The following HAND1 variants were observed in gnomAD, a reference collection of about 807,000 sequenced individuals.
HAND1 encodes the protein heart- and neural crest derivatives-expressed protein 1.
HAND1 carries 10 observed loss-of-function variants against 14.5 expected under a neutral mutation model. The ratio of observed to expected loss-of-function variants is 0.69; its 90% confidence interval spans 0.42 to 1.17. The LOEUF (loss-of-function observed/expected upper bound fraction) is 1.17, where lower values mean the gene tolerates loss of function less well. Among genes scored for constraint, HAND1 ranks in the 50% most tolerant of loss-of-function variants. HAND1 has a pLI of 0.00. For synonymous variants in HAND1, 128 were observed against 127.1 expected (o/e 1.01, Z -0.05); for missense variants, 299 against 298.4 (o/e 1.00, Z -0.01).
chr5:154,475,871 C>T lies in HAND1; in HGVS notation c.583G>A (p.Glu195Lys). Residue 195 changes from glutamate (E) to lysine (K), a missense_variant, in exon 2 of 2, where the codon GAG becomes AAG. Physicochemically the swap from Glu to Lys is moderately conservative, Grantham distance 56. Transcript: ENST00000231121. ...EGFPPALGPV[E>K]KRIKGRTGWP... The stretch of plus-strand genomic sequence containing the variant: ...CCGGTGCGTCCTTTAATCCTCTTCT[C>T]GACTGGGCCCAGGGCAGGAGGAAAA... 6.2e-7 allele frequency: 1 copy of T among 1,614,110 alleles called. No homozygotes were observed. Among genetic ancestry groups the T allele is most frequent in the Non-Finnish European group, 8.5e-7 (1 of 1,179,968 alleles).
chr5:154,478,039 C>G lies in HAND1; in HGVS notation c.-31G>C. 6.3e-7 allele frequency: 1 copy of G among 1,596,392 alleles called. No individual in the cohort carries two copies. The highest frequency in any genetic ancestry group is 2.2e-5 in the East Asian group (1 of 44,862). ...AGCGGCTACTGGCCTGCGCCGCCAG[C>G]CCTATTAACGCCGCTCCATGCGCCC... On this transcript the variant is annotated 5_prime_UTR_variant, in exon 1 of 2. Transcript: ENST00000231121. The surrounding 1 kb of genome is among the most constrained non-coding windows in gnomAD (Gnocchi z 4.5).
In HAND1 at chr5:154,478,187, G is replaced by T; in HGVS notation, c.-179C>A. On this transcript the variant is annotated 5_prime_UTR_variant, in exon 1 of 2. Transcript: ENST00000231121. The surrounding 1 kb of genome is among the most constrained non-coding windows in gnomAD (Gnocchi z 4.5). The stretch of plus-strand genomic sequence containing the variant: ...CTGTCTTCTTACCGGTTTCTGCCGC[G>T]GGCGAGGTCGCCGAAGCCCAAAGAC... The T allele has an allele frequency of 1.4e-6, 1 of 690,762 alleles. No individual in the cohort carries two copies. Among genetic ancestry groups the T allele is most frequent in the Non-Finnish European group, 2.4e-6 (1 of 411,672 alleles). The allele number at this position is 690,762 out of a possible 1,614,324, so 42.8% of individuals were successfully genotyped here.
In HAND1 at chr5:154,478,225, T is replaced by G; in HGVS notation, c.-217A>C. 5.0e-6 allele frequency: 3 copies of G among 600,794 alleles called. No individual in the cohort carries two copies. Among genetic ancestry groups the G allele is most frequent in the Non-Finnish European group, 8.9e-6 (3 of 338,796 alleles). 37.2% of individuals were successfully genotyped at this position (600,794 alleles called of 1,614,324 possible). ...GAAGCCCAAAGACCTGTTTAACCCT[T>G]CTGCGGACTCCCCTGCGGATCTGGC... On this transcript the variant is annotated 5_prime_UTR_variant, in exon 1 of 2. Coordinates refer to ENST00000231121, the MANE Select transcript of HAND1 (RefSeq NM_004821.3). The surrounding 1 kb of genome is among the most constrained non-coding windows in gnomAD (Gnocchi z 4.5).
At chr5:154,476,707 T>C (rs1757547887) in intron 1 of HAND1, among the ~76,000 whole-genome samples, 1 of 152,136 alleles carries the variant, frequency 6.6e-6, no homozygotes, top group African/African-American at 2.4e-5. Context: ...CTAGAGAAAC[T>C]GATTGGCCAG....
chr5:154,477,406 G>C (rs1561711259), intron 1 of HAND1, 60 bp downstream of exon 1: 1 of 1,319,746 alleles, frequency 7.6e-7, no homozygotes, highest in Middle Eastern at 1.8e-4. Flanking sequence ...TACCTGCATG[G>C]CCTGAGGCTG....
rs1757569215 is a variant in HAND1 at position 154,477,733 on chromosome 5, A to C, written c.276T>G (p.Leu92=). The C allele has an allele frequency of 6.2e-7, 1 of 1,613,030 alleles. No individual in the cohort carries two copies. The highest frequency in any genetic ancestry group is 8.5e-7 in the Non-Finnish European group (1 of 1,179,756). Residue 92 remains leucine (L), a synonymous_variant, in exon 1 of 2, where the codon CTT becomes CTG. Transcript: ENST00000231121. ...PGRLEALGGR[L]GRRKGSGPKK... Reference sequence around the variant, plus strand: ...TGGGTCCTGAGCCTTTCCGCCGGCCAAGACGGCCGCCAAGCGCCTCCAGCC... The same window carrying C: ...TGGGTCCTGAGCCTTTCCGCCGGCCCAGACGGCCGCCAAGCGCCTCCAGCC...
In HAND1 at chr5:154,478,227, T is replaced by G. The variant is rs555932965; in HGVS notation, c.-219A>C. On this transcript the variant is annotated 5_prime_UTR_variant, in exon 1 of 2. Transcript: ENST00000231121. The surrounding 1 kb of genome is among the most constrained non-coding windows in gnomAD (Gnocchi z 4.5). Reference sequence around the variant, plus strand: ...AGCCCAAAGACCTGTTTAACCCTTCTGCGGACTCCCCTGCGGATCTGGCTT... The same window carrying G: ...AGCCCAAAGACCTGTTTAACCCTTCGGCGGACTCCCCTGCGGATCTGGCTT... 1 of 599,282 alleles carries G rather than the reference T, an allele frequency of 1.7e-6. No homozygotes were observed. Among genetic ancestry groups the G allele is most frequent in the East Asian group, 2.8e-5 (1 of 35,764 alleles). 37.1% of individuals were successfully genotyped at this position (599,282 alleles called of 1,614,324 possible).
rs145232171 is a variant in HAND1, at chr5:154,477,877, G to A, written c.132C>T (p.Ser44=). 3.7e-6 allele frequency: 6 copies of A among 1,601,156 alleles called. No individual in the cohort carries two copies. Among genetic ancestry groups the A allele is most frequent in the Non-Finnish European group, 4.2e-6 (5 of 1,179,814 alleles). ...RCHQERPYFQ[S]WLLSPADAAP... The stretch of plus-strand genomic sequence containing the variant: ...CAGCGTCAGCCGGGCTCAGCAGCCA[G>A]CTCTGGAAGTAGGGCCTTTCCTGAT... Residue 44 remains serine, a synonymous_variant, in exon 1 of 2, where the codon AGC becomes AGT. Coordinates refer to ENST00000231121, the MANE Select transcript of HAND1 (RefSeq NM_004821.3).
Position 154,475,848 on chromosome 5 carries a change from G to A in HAND1, c.606C>T (p.Thr202=), listed in dbSNP as rs1467632014. The change falls in exon 2 of 2, where the codon ACC becomes ACT. Residue 202 remains threonine, a synonymous_variant. Transcript: ENST00000231121. ...GPVEKRIKGR[T]GWPQQVWALE... is the part of the protein sequence containing the mutation. ...GCGCCCAGACTTGCTGCGGCCAGCC[G>A]GTGCGTCCTTTAATCCTCTTCTCGA... The A allele has an allele frequency of 3.1e-6, 5 of 1,613,870 alleles. No individual in the cohort carries two copies. The East Asian group carries it at 6.7e-5, about 22-fold the overall frequency.
rs753861203 is a variant in HAND1, at chr5:154,477,796, G to T, written c.213C>A (p.Ala71=). ...PPPAAAAAAT[A]YGPDARPGQS... ...GCCCAGGCCTGGCGTCAGGACCATA[G>T]GCGGTGGCGGCTGCAGCGGCCGCGG... The change falls in exon 1 of 2, where the codon GCC becomes GCA. Residue 71 remains alanine (A), a synonymous_variant. Transcript: ENST00000231121. The T allele has an allele frequency of 9.4e-6, 15 of 1,589,576 alleles. 1 individual carries two copies.
In HAND1 at chr5:154,475,468, A is replaced by G. The variant is rs960028109; in HGVS notation, c.*338T>C. Reference sequence around the variant, plus strand: ...AATGGAGATAGGGCTGAGGTTCTAAATTCGCTCCAAAAGGGTGGAAGAGTG... The same window carrying G: ...AATGGAGATAGGGCTGAGGTTCTAAGTTCGCTCCAAAAGGGTGGAAGAGTG... On this transcript the variant is annotated 3_prime_UTR_variant, in exon 2 of 2. Coordinates refer to ENST00000231121, the MANE Select transcript of HAND1 (RefSeq NM_004821.3). The G allele has an allele frequency of 3.1e-5, 11 of 353,636 alleles. No individual in the cohort carries two copies. The highest frequency in any genetic ancestry group is 2.1e-4 in the African/African-American group (10 of 47,748). The allele number at this position is 353,636 out of a possible 1,614,324, so 21.9% of individuals were successfully genotyped here. A position where few individuals can be genotyped will look rare whatever the true frequency, so the allele number is the denominator to read the frequency against.
chr5:154,475,551 C>T lies in HAND1; in HGVS notation c.*255G>A. 1 of 511,322 alleles carries T rather than the reference C, an allele frequency of 2.0e-6. No individual in the cohort carries two copies. Among genetic ancestry groups the T allele is most frequent in the Non-Finnish European group, 3.5e-6 (1 of 282,006 alleles). The allele number at this position is 511,322 out of a possible 1,614,324, so 31.7% of individuals were successfully genotyped here. ...CTTCTTGCATGTTGCCGCCAAGGGC[C>T]GCCCTCGGTTGGGCTGGGGGTGGAT... On this transcript the variant is annotated 3_prime_UTR_variant, in exon 2 of 2. Coordinates refer to ENST00000231121, the MANE Select transcript of HAND1 (RefSeq NM_004821.3).
chr5:154,477,080 C>G (rs1281506828), intron 1 of HAND1, among the ~76,000 whole-genome samples: 1 of 152,112 alleles, frequency 6.6e-6, no homozygotes, highest in Non-Finnish European at 1.5e-5. Flanking sequence ...AAACAGGAAC[C>G]GAGCCCGGGC....
At position 154,477,857 on chromosome 5, in the gene HAND1, T is replaced by A. The variant is rs1365842411; in HGVS notation, c.152A>T (p.Asp51Val). 1 of 1,601,476 alleles carries A rather than the reference T, an allele frequency of 6.2e-7. No individual in the cohort carries two copies. Among genetic ancestry groups the A allele is most frequent in the East Asian group, 2.2e-5 (1 of 44,840 alleles). ...YFQSWLLSPA[D>V]AAPDFPAGGP... ...GCCCGCAGGGAAGTCCGGGGCAGCG[T>A]CAGCCGGGCTCAGCAGCCAGCTCTG... The change falls in exon 1 of 2, where the codon GAC becomes GTC. Residue 51 changes from aspartate to valine, a missense_variant. Asp to Val is a radical substitution (Grantham distance 152). Transcript: ENST00000231121.
Position 154,475,593 on chromosome 5 carries a change from T to C in HAND1, c.*213A>G, listed in dbSNP as rs2113300503. On this transcript the variant is annotated 3_prime_UTR_variant, in exon 2 of 2. Coordinates refer to ENST00000231121, the MANE Select transcript of HAND1 (RefSeq NM_004821.3). ...GGGGTGGATATATATATATTTCTCT[T>C]TCTCTTAATGTATTAAAAAAAATCA... 5.1e-6 allele frequency: 3 copies of C among 587,082 alleles called. No homozygotes were observed. In the South Asian group the frequency reaches 6.0e-5, roughly 12 times the overall value. 36.4% of individuals were successfully genotyped at this position (587,082 alleles called of 1,614,324 possible).
At position 154,477,503 on chromosome 5, in the gene HAND1, G is replaced by A. The variant is rs2113303024; in HGVS notation, c.506C>T (p.Ala169Val). Residue 169 changes from alanine to valine, a missense_variant, in exon 1 of 2, where the codon GCG becomes GTG. By Grantham distance (64) the Ala-to-Val change is moderately conservative. Transcript: ENST00000231121. ...CCGCTTGCTCTCACGGCCGCCATCC[G>A]CCTTCTTGAGTTCAGCCTTGAAGGC... ...PEAFKAELKK[A>V]DGGRESKRKR... 1.2e-6 allele frequency: 2 copies of A among 1,614,146 alleles called. No individual in the cohort carries two copies. The highest frequency in any genetic ancestry group is 1.7e-6 in the Non-Finnish European group (2 of 1,180,016).
At position 154,477,902 on chromosome 5, in the gene HAND1, T is replaced by C. The variant is rs1199817968; in HGVS notation, c.107A>G (p.His36Arg). The C allele has an allele frequency of 1.3e-6, 2 of 1,600,000 alleles. No individual in the cohort carries two copies. The highest frequency in any genetic ancestry group is 2.2e-5 in the East Asian group (1 of 44,858). ...GCTCTGGAAGTAGGGCCTTTCCTGA[T>C]GACAGCGCGAGGCCGGACCGAAGAG... Reference protein sequence around the residue: ...PFLFGPASRCHQERPYFQSWL... With the variant: ...PFLFGPASRCRQERPYFQSWL... The change falls in exon 1 of 2, where the codon CAT (histidine) becomes CGT (arginine). Residue 36 changes from histidine (H) to arginine (R), a missense_variant. His to Arg is a conservative substitution (Grantham distance 29). Transcript: ENST00000231121.
Position 154,475,253 on chromosome 5 carries a change from G to A in HAND1, c.*553C>T, listed in dbSNP as rs1757522152. Reference sequence around the variant, plus strand: ...TGTTTCCCTTGGAACTAAACAGGAAGTGCAGCGACAAAAAGAAAAATAAAA... The same window carrying A: ...TGTTTCCCTTGGAACTAAACAGGAAATGCAGCGACAAAAAGAAAAATAAAA... On this transcript the variant is annotated 3_prime_UTR_variant, in exon 2 of 2. Transcript: ENST00000231121. 1 of 154,584 alleles carries A rather than the reference G, an allele frequency of 6.5e-6. No homozygotes were observed. Among genetic ancestry groups the A allele is most frequent in the South Asian group, 2.0e-4 (1 of 4,926 alleles). 9.6% of individuals were successfully genotyped at this position (154,584 alleles called of 1,614,324 possible).
At position 154,475,908 on chromosome 5, in the gene HAND1, C is replaced by A; in HGVS notation, c.546G>T (p.Gln182His). Reference sequence around the variant, plus strand: ...GGGCAGGAGGAAAACCTTCGTGCTGCTGCTGCCAAAGGACACACAGAAGAA... The same window carrying A: ...GGGCAGGAGGAAAACCTTCGTGCTGATGCTGCCAAAGGACACACAGAAGAA... ...GRESKRKRELQQHEGFPPALG... is the reference protein window; with the variant it reads ...GRESKRKRELHQHEGFPPALG... Residue 182 changes from glutamine (Q) to histidine (H), a missense_variant and splice_region_variant, in exon 2 of 2, where the codon CAG (glutamine) becomes CAT (histidine). Gln to His is a conservative substitution (Grantham distance 24). Coordinates refer to ENST00000231121, the MANE Select transcript of HAND1 (RefSeq NM_004821.3). 1 of 1,612,644 alleles carries A rather than the reference C, an allele frequency of 6.2e-7. No homozygotes were observed. Among genetic ancestry groups the A allele is most frequent in the Non-Finnish European group, 8.5e-7 (1 of 1,178,652 alleles).
Sources: allele counts gnomAD v4.1 joint callset (sites outside exome capture counted in the v4.1 genomes callset), GRCh38; gene constraint gnomAD v4.1.1; non-coding constraint Gnocchi (gnomAD v3.1); transcripts MANE v1.5; gene names NCBI Gene and HGNC (gene_info 2026-07-23, HGNC 2026-07-21).